The following DUSP16 variants were observed in gnomAD, a reference collection of about 807,000 sequenced individuals.
DUSP16 encodes dual specificity phosphatase 16.
In DUSP16, 21 loss-of-function variants were observed where a neutral mutation model predicts 58.3. That is an observed-to-expected ratio of 0.36 (90% CI 0.26 to 0.52). DUSP16 has a LOEUF of 0.52. Among genes scored for constraint, DUSP16 ranks in the 20% least tolerant of loss-of-function variants. DUSP16 has a pLI of 0.94. For missense variants in DUSP16, 726 were observed against 819.0 expected (o/e 0.89, Z 1.39); for synonymous variants, 320 against 323.8 (o/e 0.99, Z 0.12).
In DUSP16 at chr12:12,518,512, C is replaced by CAAA. The variant is rs879763438; in HGVS notation, c.367+1347_367+1349dup. Among the ~76,000 whole-genome samples, 758 of 120,370 alleles carry CAAA rather than the reference C, an allele frequency of 6.3e-3. 7 individuals are homozygous for CAAA. Among genetic ancestry groups the CAAA allele is most frequent in the African/African-American group, 0.021 (696 of 32,486 alleles). 79.0% of individuals were successfully genotyped at this position (120,370 alleles called of 152,430 possible). A position where few individuals can be genotyped will look rare whatever the true frequency, so the allele number is the denominator to read the frequency against. On this transcript the variant is annotated intron_variant, in intron 3 of 6. Transcript: ENST00000298573. Reference sequence around the variant, plus strand: ...TGGGCGACAGGGCAAAATTCTGTCTCAAAAAAAAAAAAAGAAAAGAAAAAC... The same window carrying CAAA: ...TGGGCGACAGGGCAAAATTCTGTCTCAAAAAAAAAAAAAAAAGAAAAGAAAAAC...
At chr12:12,490,934 T>A (rs2136201814) in intron 4 of DUSP16, among the ~76,000 whole-genome samples, 2 of 152,306 alleles carry the variant, frequency 1.3e-5, no homozygotes, top group Non-Finnish European at 2.9e-5. Context: ...TACATAATTA[T>A]AATAACAAGT....
chr12:12,482,350 G>A (rs1182267957), intron 5 of DUSP16, among the ~76,000 whole-genome samples: 1 of 152,160 alleles, frequency 6.6e-6, no homozygotes, highest in Non-Finnish European at 1.5e-5. Flanking sequence ...TGAGGTTATA[G>A]GTTTCCTTTT....
At chr12:12,497,991 CA>C (rs1943854160) in intron 4 of DUSP16, among the ~76,000 whole-genome samples, 1 of 151,726 alleles carries the variant, frequency 6.6e-6, no homozygotes, top group Non-Finnish European at 1.5e-5. Flanking sequence ...CAAAACAAAA[CA>C]AAACAAAACA....
chr12:12,489,339 A>C (rs1258004667), intron 4 of DUSP16, among the ~76,000 whole-genome samples: 1 of 152,186 alleles, frequency 6.6e-6, no homozygotes, highest in Non-Finnish European at 1.5e-5. Flanking sequence ...CAAAGGTTAC[A>C]TTTGTTTTTC....
At chr12:12,499,124 T>C (rs1197960125) in intron 4 of DUSP16, among the ~76,000 whole-genome samples, 1 of 152,186 alleles carries the variant, frequency 6.6e-6, no homozygotes, top group African/African-American at 2.4e-5. Flanking sequence ...AAAAACTATC[T>C]GTAACACAAT....
In DUSP16 at chr12:12,477,341, C is replaced by T. The variant is rs772227168; in HGVS notation, c.1490G>A (p.Arg497Lys). 2.7e-5 allele frequency: 43 copies of T among 1,614,098 alleles called. No individual in the cohort carries two copies. Among genetic ancestry groups the T allele is most frequent in the Non-Finnish European group, 3.5e-5 (41 of 1,180,042 alleles). The change falls in exon 7 of 7, where the codon AGG becomes AAG. Residue 497 changes from arginine (R) to lysine (K), a missense_variant. By Grantham distance (26) the Arg-to-Lys change is conservative. Coordinates refer to ENST00000298573, the MANE Select transcript of DUSP16 (RefSeq NM_030640.3). This position sits in a 1 kb window ranked among gnomAD's most constrained non-coding sequence, Gnocchi z 4.1. ...VRTSSSGTAQ[R>K]SLLSPLHRSG... ...TCGATGCAGTGGAGATAAAAGGGAC[C>T]TCTGGGCGGTGCCACTGCTGCTGGT... is the stretch of plus-strand genomic sequence containing the variant.
intron 1 of DUSP16, among the ~76,000 whole-genome samples, chr12:12,541,725 T>A (rs924645161): frequency 2.0e-5 from 3 of 152,276 alleles, no homozygotes; most frequent in African/African-American, 7.2e-5. Context: ...GTGAAAAAAA[T>A]TCTGTAAAGT....
intron 3 of DUSP16, among the ~76,000 whole-genome samples, 182 bp downstream of exon 3, chr12:12,519,680 T>C (rs1176273467): frequency 6.6e-6 from 1 of 152,176 alleles, no homozygotes; most frequent in Non-Finnish European, 1.5e-5. Flanking sequence ...TACACTGACC[T>C]ATGTGGAAGA....
intron 3 of DUSP16, among the ~76,000 whole-genome samples, chr12:12,512,013 G>C (rs1944085521): frequency 6.6e-6 from 1 of 152,198 alleles, no homozygotes; most frequent in Admixed American, 6.5e-5. Flanking sequence ...TCTCTAGTCT[G>C]TTTGTTTCAA....
intron 4 of DUSP16, among the ~76,000 whole-genome samples, chr12:12,495,177 G>C (rs1234186124): frequency 1.5e-5 from 2 of 133,134 alleles, no homozygotes; most frequent in South Asian, 4.9e-4. Context: ...ATTTTATCTT[G>C]TTGTAAAAAT....
chr12:12,532,936 G>A (rs1378301928), intron 1 of DUSP16, among the ~76,000 whole-genome samples: 3 of 127,168 alleles, frequency 2.4e-5, no homozygotes, highest in East Asian at 2.4e-4. Context: ...GGACGAGAGC[G>A]AAACTCTGTC....
At chr12:12,497,596 TG>T (rs1353403204) in intron 4 of DUSP16, among the ~76,000 whole-genome samples, 5 of 151,800 alleles carry the variant, frequency 3.3e-5, no homozygotes, top group African/African-American at 1.2e-4. Flanking sequence ...GCATTTTAAA[TG>T]GGAAACATTA....
At chr12:12,495,321 A>G (rs2136206441) in intron 4 of DUSP16, among the ~76,000 whole-genome samples, 1 of 152,156 alleles carries the variant, frequency 6.6e-6, no homozygotes, top group African/African-American at 2.4e-5. Context: ...TAAGTAGGGA[A>G]ATTACATTGA....
At chr12:12,559,354 GTTTC>G (rs1226888972) in intron 1 of DUSP16, among the ~76,000 whole-genome samples, 2 of 152,118 alleles carry the variant, frequency 1.3e-5, no homozygotes, top group Non-Finnish European at 2.9e-5. Context: ...TTTTTAACTA[GTTTC>G]TTTCATCTGT....
At chr12:12,529,035 G>A (rs1310620129) in intron 1 of DUSP16, among the ~76,000 whole-genome samples, 1 of 152,162 alleles carries the variant, frequency 6.6e-6, no homozygotes, top group African/African-American at 2.4e-5. Flanking sequence ...AATAAAAGAT[G>A]TGGCAGGTGT....
chr12:12,528,264 A>G (rs1259522386), intron 1 of DUSP16, among the ~76,000 whole-genome samples: 1 of 151,816 alleles, frequency 6.6e-6, no homozygotes, highest in Non-Finnish European at 1.5e-5. Context: ...CTCTACACTT[A>G]ATGCTTCCTC....
At position 12,473,918 on chromosome 12, in the gene DUSP16, C is replaced by T. The variant is rs954086331; in HGVS notation, c.*2915G>A. On this transcript the variant is annotated 3_prime_UTR_variant, in exon 7 of 7. Coordinates refer to ENST00000298573, the MANE Select transcript of DUSP16 (RefSeq NM_030640.3). Reference sequence around the variant, plus strand: ...CTGGCCTTTTTTTTCCTACCATGTACTTGTGTGTTCTGGAATCAGTCAGCT... The same window carrying T: ...CTGGCCTTTTTTTTCCTACCATGTATTTGTGTGTTCTGGAATCAGTCAGCT... Among the ~76,000 whole-genome samples the T allele has an allele frequency of 7.9e-5, 12 of 152,068 alleles. No individual in the cohort carries two copies. The highest frequency in any genetic ancestry group is 2.9e-4 in the African/African-American group (12 of 41,388).
At chr12:12,504,691 TAAAAAAAAAAAA>T (rs57833371) in intron 3 of DUSP16, among the ~76,000 whole-genome samples, 1 of 119,140 alleles carries the variant, frequency 8.4e-6, no homozygotes, top group Non-Finnish European at 1.7e-5. Context: ...CAATCTCTGT[TAAAAAAAAAAAA>T]AAAAAAAAAG....
intron 4 of DUSP16, among the ~76,000 whole-genome samples, chr12:12,490,690 A>C (rs1263283922): frequency 1.3e-5 from 2 of 152,178 alleles, no homozygotes; most frequent in Non-Finnish European, 1.5e-5. Context: ...TACCACTTCT[A>C]CTTTTCATTT....
Sources: gnomAD v4.1 joint callset for allele counts (sites outside exome capture counted in the v4.1 genomes callset) on GRCh38, gnomAD v4.1.1 for gene constraint, Gnocchi (gnomAD v3.1) non-coding constraint, MANE v1.5 for transcripts, NCBI Gene and HGNC (gene_info 2026-07-23, HGNC 2026-07-21) for gene names.